The following RNF212 variants were observed in gnomAD, a reference collection of about 807,000 sequenced individuals.
RNF212 encodes the protein ring finger protein 212.
RNF212 carries 33 observed loss-of-function variants against 34.7 expected under a neutral mutation model. That is an observed-to-expected ratio of 0.95 (90% CI 0.72 to 1.27). The LOEUF (loss-of-function observed/expected upper bound fraction) is 1.27, where lower values mean the gene tolerates loss of function less well. RNF212 is among the 50% of genes most tolerant of loss of function. The probability of loss-of-function intolerance (pLI) is 0.00; values close to 1 mark genes in which losing one functional copy is unlikely to be tolerated. For missense variants in RNF212, 377 were observed against 362.2 expected (o/e 1.04, Z -0.33); for synonymous variants, 140 against 136.1 (o/e 1.03, Z -0.20).
chr4:1,099,457 A>G (rs1723585281), intron 2 of RNF212, among the ~76,000 whole-genome samples: 1 of 152,184 alleles, frequency 6.6e-6, no homozygotes, highest in South Asian at 2.1e-4. Flanking sequence ...GCAGCACTGT[A>G]TGGTGGGGCC....
chr4:1,073,476 AC>A, intron 9 of RNF212, 122 bp downstream of exon 9: 1 of 799,294 alleles, frequency 1.3e-6, no homozygotes. Flanking sequence ...CCTCCCATGC[AC>A]CGGGTGGAAG....
intron 4 of RNF212, among the ~76,000 whole-genome samples, chr4:1,089,433 C>T (rs898817392): frequency 6.6e-6 from 1 of 152,218 alleles, no homozygotes; most frequent in Non-Finnish European, 1.5e-5. Context: ...AAGTCATTAA[C>T]TTGTTTTTGA....
Position 1,066,460 on chromosome 4 carries a change from C to A in RNF212, n.147+7139G>T, listed in dbSNP as rs976968397. Among the ~76,000 whole-genome samples the A allele has an allele frequency of 6.6e-5, 10 of 152,228 alleles. No individual in the cohort carries two copies. In the East Asian group the frequency reaches 1.9e-3, roughly 30 times the overall value. On this transcript the variant is annotated intron_variant and non_coding_transcript_variant, in intron 3 of 4. Transcript: ENST00000503206. ...TCGCCCACTTCAGCTTCCTGAGCAGCCGGGACTACAGGTGTGTGCCCCCAT... is the reference window on the plus strand; with the variant it reads ...TCGCCCACTTCAGCTTCCTGAGCAGACGGGACTACAGGTGTGTGCCCCCAT...
chr4:1,101,762 C>T (rs1259328986), intron 2 of RNF212, among the ~76,000 whole-genome samples: 2 of 152,166 alleles, frequency 1.3e-5, no homozygotes, highest in Admixed American at 6.5e-5. Context: ...GTGAAGGGCT[C>T]TTCCTTCTCA....
At chr4:1,095,303 C>T (rs369048108) in intron 3 of RNF212, among the ~76,000 whole-genome samples, 91 of 58,974 alleles carry the variant, frequency 1.5e-3, no homozygotes, top group African/African-American at 2.5e-3. Flanking sequence ...CTCGGGATAG[C>T]GCACCTGGCT....
At chr4:1,093,956 T>C (rs1722631399) in intron 3 of RNF212, 1 of 1,536,070 alleles carries the variant, frequency 6.5e-7, no homozygotes, top group Non-Finnish European at 8.7e-7. Flanking sequence ...GGGCACCTCC[T>C]TGGAGGATGT....
intron 8 of RNF212, among the ~76,000 whole-genome samples, chr4:1,076,908 C>T (rs775644407): frequency 7.2e-5 from 11 of 152,186 alleles, no homozygotes; most frequent in Non-Finnish European, 1.6e-4. Flanking sequence ...TGTGGACTGT[C>T]TGGTCTGCAA....
At position 1,081,362 on chromosome 4, in the gene RNF212, A is replaced by C. The variant is rs537126725; in HGVS notation, c.464+57T>G. 3.5e-5 allele frequency: 51 copies of C among 1,474,480 alleles called. No individual in the cohort carries two copies. In the African/African-American group the frequency reaches 6.5e-4, roughly 19 times the overall value. 91.3% of individuals were successfully genotyped at this position (1,474,480 alleles called of 1,614,324 possible). On this transcript the variant is annotated intron_variant, in intron 7 of 9. Transcript: ENST00000433731. ...GGGGGTGGGGTTGGGATGGGAAGGC[A>C]GGTGCAGAATCGGAAAGACCTGCAG...
intron 1 of RNF212, among the ~76,000 whole-genome samples, chr4:1,112,837 C>T (rs10050241): frequency 0.04 from 3,450 of 85,400 alleles, 113 homozygotes; most frequent in African/African-American, 0.059. Context: ...CCTTGACCCC[C>T]CACATCCCCC....
At chr4:1,107,771 T>A (rs1048986101) in intron 2 of RNF212, among the ~76,000 whole-genome samples, 7 of 152,226 alleles carry the variant, frequency 4.6e-5, no homozygotes, top group Admixed American at 1.3e-4. Flanking sequence ...TTTGCCATTA[T>A]AATTTTCTGT....
intron 5 of RNF212, among the ~76,000 whole-genome samples, chr4:1,083,713 G>C (rs1720726544): frequency 6.6e-6 from 1 of 152,138 alleles, no homozygotes; most frequent in South Asian, 2.1e-4. Context: ...AAATCAGGGA[G>C]CTGGAAGAAG....
At position 1,081,436 on chromosome 4, in the gene RNF212, G is replaced by T; in HGVS notation, c.447C>A (p.His149Gln). ...TKPHGCLLPP[H>Q]SSAPDRLESM... ...CCACACACCTGTCGGGGGCTGATGA[G>T]TGAGGTGGCAGCAGGCATCCGTGTG... is the stretch of plus-strand genomic sequence containing the variant. Residue 149 changes from histidine (H) to glutamine (Q), a missense_variant, in exon 7 of 10, where the codon CAC (histidine) becomes CAA (glutamine). Physicochemically the swap from His to Gln is conservative, Grantham distance 24. Coordinates refer to ENST00000433731, the MANE Select transcript of RNF212 (RefSeq NM_001131034.4). The T allele has an allele frequency of 6.2e-7, 1 of 1,613,892 alleles. No individual in the cohort carries two copies. Among genetic ancestry groups the T allele is most frequent in the Non-Finnish European group, 8.5e-7 (1 of 1,179,840 alleles).
chr4:1,073,834 C>G lies in RNF212; in HGVS notation c.511-172G>C, dbSNP rs11940962. The G allele has an allele frequency of 5.3e-3, 3,360 of 628,764 alleles. 84 individuals carry two copies. Among genetic ancestry groups the G allele is most frequent in the African/African-American group, 0.053 (2,911 of 55,100 alleles). The allele number at this position is 628,764 out of a possible 1,614,324, so 38.9% of individuals were successfully genotyped here. ...TTCTGTGTTCACCTCCCGACTCTGC[C>G]TGCTGGTGGTAGAGGTGGTGTGGGT... On this transcript the variant is annotated intron_variant, in intron 8 of 9. Coordinates refer to ENST00000433731, the MANE Select transcript of RNF212 (RefSeq NM_001131034.4).
chr4:1,099,630 A>G, intron 2 of RNF212: 1 of 426,394 alleles, frequency 2.3e-6, no homozygotes, highest in Non-Finnish European at 4.7e-6. Context: ...ATCACAAACG[A>G]ATGTTTTCTT....
chr4:1,093,499 G>A (rs1311980954), intron 3 of RNF212: 4 of 1,494,954 alleles, frequency 2.7e-6, no homozygotes, highest in Non-Finnish European at 3.5e-6. Context: ...CAGTGTAACT[G>A]ACAAACAGTG....
chr4:1,084,782 G>A (rs1290959423), intron 5 of RNF212, among the ~76,000 whole-genome samples: 1 of 149,760 alleles, frequency 6.7e-6, no homozygotes, highest in Non-Finnish European at 1.5e-5. Context: ...AGAATACACT[G>A]CAGGCTGGAT....
chr4:1,091,485 G>A (rs1722177090), intron 3 of RNF212, among the ~76,000 whole-genome samples: 1 of 152,202 alleles, frequency 6.6e-6, no homozygotes, highest in Non-Finnish European at 1.5e-5. Context: ...GACCAGGCTG[G>A]AAGGGCCGAC....
intron 2 of RNF212, among the ~76,000 whole-genome samples, chr4:1,097,829 C>T (rs937995437): frequency 6.6e-6 from 1 of 152,218 alleles, no homozygotes; most frequent in Non-Finnish European, 1.5e-5. Context: ...CTTTGGGAGG[C>T]CAAGGTGGGC....
At chr4:1,113,602 C>T, upstream of RNF212, 1 of 573,828 alleles carries the variant, frequency 1.7e-6, no homozygotes, top group Non-Finnish European at 2.8e-6. Flanking sequence ...CGCCCGCGCA[C>T]TGGAGCTCGC....
Sources: gnomAD v4.1 joint callset for allele counts (sites outside exome capture counted in the v4.1 genomes callset) on GRCh38, gnomAD v4.1.1 for gene constraint, MANE v1.5 for transcripts, NCBI Gene and HGNC (gene_info 2026-07-23, HGNC 2026-07-21) for gene names.